ZBTB20: variants seen among roughly 807,000 people sequenced by gnomAD.
ZBTB20 encodes the protein zinc finger and BTB domain containing 20.
In ZBTB20, 9 loss-of-function variants were observed where a neutral mutation model predicts 56.9. The observed-to-expected ratio is 0.16, with a 90% CI of 0.10 to 0.28. The LOEUF (loss-of-function observed/expected upper bound fraction) is 0.28, where lower values mean the gene tolerates loss of function less well. Among genes scored for constraint, ZBTB20 ranks in the 10% least tolerant of loss-of-function variants. ZBTB20 has a pLI of 1.00. For synonymous variants in ZBTB20, 417 were observed against 420.7 expected (o/e 0.99, Z 0.11); for missense variants, 655 against 1,003.0 (o/e 0.65, Z 4.69).
intron 6 of ZBTB20, among the ~76,000 whole-genome samples, chr3:114,568,714 G>A (rs1456801787): frequency 6.6e-6 from 1 of 152,136 alleles, no homozygotes; most frequent in Non-Finnish European, 1.5e-5. Context: ...TACTTAGAGA[G>A]TATAAATATA....
intron 11 of ZBTB20, among the ~76,000 whole-genome samples, chr3:114,344,293 G>T (rs2080021434): frequency 6.6e-6 from 1 of 152,154 alleles, no homozygotes; most frequent in South Asian, 2.1e-4. Context: ...TTAAAATTTT[G>T]TGAATAGAGT....
At chr3:114,513,239 T>A (rs1295934181) in intron 6 of ZBTB20, among the ~76,000 whole-genome samples, 1 of 152,218 alleles carries the variant, frequency 6.6e-6, no homozygotes, top group Admixed American at 6.5e-5. Flanking sequence ...TAAATACCAT[T>A]ATTCCACCTC....
intron 4 of ZBTB20, among the ~76,000 whole-genome samples, chr3:114,826,937 T>C (rs1182524346): frequency 6.6e-6 from 1 of 151,698 alleles, no homozygotes; most frequent in Non-Finnish European, 1.5e-5. Flanking sequence ...ACAAGGTATG[T>C]ATGTTGTAGC....
chr3:114,358,797 A>C (rs2081508006), intron 10 of ZBTB20, among the ~76,000 whole-genome samples: 1 of 152,216 alleles, frequency 6.6e-6, no homozygotes. Context: ...AATCAATAGA[A>C]GAAATTTATC....
At chr3:114,753,130 C>CACAT (rs2067691427) in intron 5 of ZBTB20, among the ~76,000 whole-genome samples, 1 of 151,482 alleles carries the variant, frequency 6.6e-6, no homozygotes. Context: ...CACACACACA[C>CACAT]ACATACATAC....
chr3:114,431,024 C>T (rs973828872), intron 7 of ZBTB20, among the ~76,000 whole-genome samples: 4 of 152,142 alleles, frequency 2.6e-5, no homozygotes, highest in African/African-American at 9.7e-5. Context: ...TAAGCTGGGG[C>T]ATTTGGAGAG....
chr3:114,770,069 G>T (rs1433225308), intron 5 of ZBTB20, among the ~76,000 whole-genome samples: 1 of 146,632 alleles, frequency 6.8e-6, no homozygotes, highest in Non-Finnish European at 1.5e-5. Flanking sequence ...AAAAAAACAA[G>T]AATGATGCAA....
chr3:114,427,657 C>A (rs1228503306), intron 7 of ZBTB20, among the ~76,000 whole-genome samples: 1 of 152,214 alleles, frequency 6.6e-6, no homozygotes, highest in African/African-American at 2.4e-5. Flanking sequence ...CACATTTATA[C>A]TGTAAATAGT....
At chr3:115,052,684 G>C (rs1484787980) in intron 2 of ZBTB20, among the ~76,000 whole-genome samples, 1 of 152,046 alleles carries the variant, frequency 6.6e-6, no homozygotes, top group Non-Finnish European at 1.5e-5. Context: ...ACAAAAGTGA[G>C]CTAATTTAAG....
At chr3:114,894,783 T>G (rs1043818356) in intron 4 of ZBTB20, among the ~76,000 whole-genome samples, 1 of 152,204 alleles carries the variant, frequency 6.6e-6, no homozygotes, top group South Asian at 2.1e-4. Flanking sequence ...TTCAGACTTC[T>G]GAACTGTGAG....
intron 1 of ZBTB20, among the ~76,000 whole-genome samples, chr3:115,146,731 G>A (rs1267407396): frequency 6.6e-6 from 1 of 152,196 alleles, no homozygotes; most frequent in African/African-American, 2.4e-5. Context: ...GGGGGAGGGC[G>A]AGGAGGGAGG....
intron 4 of ZBTB20, among the ~76,000 whole-genome samples, chr3:114,821,901 T>C (rs897048860): frequency 6.6e-6 from 1 of 152,152 alleles, no homozygotes; most frequent in Non-Finnish European, 1.5e-5. Context: ...TTTAAATTAT[T>C]TGAAAATCTT....
intron 2 of ZBTB20, among the ~76,000 whole-genome samples, chr3:115,008,938 TCA>T (rs1004253595): frequency 2.0e-5 from 3 of 151,946 alleles, no homozygotes; most frequent in African/African-American, 7.2e-5. Flanking sequence ...TCCTATATGC[TCA>T]CAAACCATGA....
In ZBTB20 at chr3:115,075,748, C is replaced by G. The variant is rs151039025; in HGVS notation, c.-702-4334G>C. Among the ~76,000 whole-genome samples the G allele has an allele frequency of 5.1e-3, 777 of 152,158 alleles. 7 individuals carry two copies. Among genetic ancestry groups the G allele is most frequent in the African/African-American group, 0.017 (719 of 41,518 alleles). On this transcript the variant is annotated intron_variant, in intron 1 of 11. Coordinates refer to ENST00000675478, the MANE Select transcript of ZBTB20 (RefSeq NM_001348800.3). ...GCAAGGATGTTCACTCTCGGCACTTCTATTCTACATAGTACTGGAAGTCTT... is the reference window on the plus strand; with the variant it reads ...GCAAGGATGTTCACTCTCGGCACTTGTATTCTACATAGTACTGGAAGTCTT...
chr3:114,347,875 G>A (rs2080326843), intron 11 of ZBTB20, among the ~76,000 whole-genome samples: 1 of 152,164 alleles, frequency 6.6e-6, no homozygotes, highest in African/African-American at 2.4e-5. Flanking sequence ...ATTTACTGAG[G>A]ATGTTCATAA....
intron 4 of ZBTB20, among the ~76,000 whole-genome samples, chr3:114,889,047 T>C (rs1282620237): frequency 6.6e-6 from 1 of 152,060 alleles, no homozygotes; most frequent in African/African-American, 2.4e-5. Flanking sequence ...TAAATACTTT[T>C]AAAAATATAT....
At chr3:115,096,170 C>A (rs1180568490) in intron 1 of ZBTB20, among the ~76,000 whole-genome samples, 1 of 152,144 alleles carries the variant, frequency 6.6e-6, no homozygotes, top group Non-Finnish European at 1.5e-5. Flanking sequence ...GATTTGGTTT[C>A]TAATTTAATG....
intron 5 of ZBTB20, among the ~76,000 whole-genome samples, chr3:114,773,921 C>T (rs1182838123): frequency 6.6e-6 from 1 of 152,098 alleles, no homozygotes; most frequent in Non-Finnish European, 1.5e-5. Context: ...AATTTATCTT[C>T]CAAAATGAAT....
In ZBTB20 at chr3:114,316,460, G is replaced by A; in HGVS notation, c.*22545C>T. The A allele has an allele frequency of 2.0e-6, 1 of 489,600 alleles. No individual in the cohort carries two copies. The allele number at this position is 489,600 out of a possible 1,614,324, so 30.3% of individuals were successfully genotyped here. A position where few individuals can be genotyped will look rare whatever the true frequency, so the allele number is the denominator to read the frequency against. ...GAGCATCTGATTTTGTTATGTGCAT[G>A]TGTGTATATATGCACATATACACAC... is the stretch of plus-strand genomic sequence containing the variant. On this transcript the variant is annotated 3_prime_UTR_variant, in exon 12 of 12. Coordinates refer to ENST00000675478, the MANE Select transcript of ZBTB20 (RefSeq NM_001348800.3).
Sources: gnomAD v4.1 joint callset for allele counts (sites outside exome capture counted in the v4.1 genomes callset) on GRCh38, gnomAD v4.1.1 for gene constraint, MANE v1.5 for transcripts, NCBI Gene and HGNC (gene_info 2026-07-23, HGNC 2026-07-21) for gene names.